PAM: variants seen among roughly 807,000 people sequenced by gnomAD.
PAM encodes peptidylglycine alpha-amidating monooxygenase, also known as peptidyl-glycine alpha-amidating monooxygenase.
A neutral mutation model predicts 122.1 loss-of-function variants in PAM; 72 were observed. That is an observed-to-expected ratio of 0.59 (90% CI 0.49 to 0.72). The LOEUF is 0.72. PAM is among the 30% of genes least tolerant of loss of function. PAM has a pLI of 0.00. For synonymous variants in PAM, 389 were observed against 404.4 expected, an observed-to-expected ratio of 0.96 and a Z score of 0.46; for missense variants, 1,106 against 1,183.7, an observed-to-expected ratio of 0.93 and a Z score of 0.96.
chr5:102,769,487 T>C (rs141965354), intron 1 of PAM, among the ~76,000 whole-genome samples: 114 of 152,270 alleles, frequency 7.5e-4, no homozygotes, highest in African/African-American at 2.7e-3. Context: ...TAGTTTGAGG[T>C]CTTAGATTTA....
chr5:102,856,571 A>G (rs1009933849), intron 1 of PAM, among the ~76,000 whole-genome samples: 32 of 152,208 alleles, frequency 2.1e-4, no homozygotes, highest in African/African-American at 6.8e-4. Context: ...TGTATTAGTC[A>G]AAGCTGAGGA....
At chr5:102,967,589 A>G (rs1764488784) in intron 14 of PAM, among the ~76,000 whole-genome samples, 1 of 152,190 alleles carries the variant, frequency 6.6e-6, no homozygotes, top group Non-Finnish European at 1.5e-5. Context: ...ATATAAAACT[A>G]TAGTTCTATC....
chr5:102,861,769 T>C (rs1288565007), intron 1 of PAM, among the ~76,000 whole-genome samples: 1 of 152,176 alleles, frequency 6.6e-6, no homozygotes, highest in Non-Finnish European at 1.5e-5. Flanking sequence ...GGTCAGTAAC[T>C]CTAAAATGAT....
intron 1 of PAM, among the ~76,000 whole-genome samples, chr5:102,861,486 G>A (rs1784175965): frequency 6.6e-6 from 1 of 151,986 alleles, no homozygotes; most frequent in Non-Finnish European, 1.5e-5. Flanking sequence ...TAGAGTCAAG[G>A]TCATAGAAGC....
chr5:102,786,410 A>G (rs888160727), intron 1 of PAM, among the ~76,000 whole-genome samples: 9 of 152,206 alleles, frequency 5.9e-5, no homozygotes, highest in Non-Finnish European at 1.3e-4. Flanking sequence ...ATTCGTAATC[A>G]TTAGTGTAAG....
At chr5:102,838,937 T>C (rs577829007) in intron 1 of PAM, among the ~76,000 whole-genome samples, 10 of 152,332 alleles carry the variant, frequency 6.6e-5, no homozygotes, top group Admixed American at 5.9e-4. Context: ...AGACATCATT[T>C]CCAATTCCCT....
At chr5:102,911,564 A>C (rs9327875) in intron 4 of PAM, among the ~76,000 whole-genome samples, 145,704 of 151,914 alleles carry the variant, frequency 0.96, 69,916 homozygotes, top group East Asian at 0.98. Context: ...AGATTTGCCC[A>C]GTTTACTTTA....
intron 1 of PAM, among the ~76,000 whole-genome samples, chr5:102,858,976 T>C (rs981039571): frequency 2.0e-5 from 3 of 152,232 alleles, no homozygotes; most frequent in African/African-American, 7.2e-5. Context: ...GCATTACTCA[T>C]GTGTTTGTGG....
chr5:102,959,870 TGCAG>T lies in PAM; in HGVS notation c.906-4_906-1del. On this transcript the variant is annotated splice_acceptor_variant and splice_polypyrimidine_tract_variant and intron_variant, in intron 12 of 25. Coordinates refer to ENST00000438793, the MANE Select transcript of PAM (RefSeq NM_001177306.2). LOFTEE classifies it high-confidence loss of function. ...TGATTTGTTATATCTTTTTTTTGCC[TGCAG>T]TGGCACGTCTAGTGATGAAATGTGC... 6.2e-7 allele frequency: 1 copy of T among 1,601,124 alleles called. No individual in the cohort carries two copies. Among genetic ancestry groups the T allele is most frequent in the African/African-American group, 1.3e-5 (1 of 74,702 alleles).
intron 1 of PAM, among the ~76,000 whole-genome samples, chr5:102,845,010 G>A (rs1203937501): frequency 6.6e-6 from 1 of 152,226 alleles, no homozygotes; most frequent in Admixed American, 6.5e-5. Context: ...ATCTGGCAGT[G>A]CTTCTCAAAC....
intron 1 of PAM, among the ~76,000 whole-genome samples, chr5:102,805,281 G>C (rs1765921212): frequency 6.6e-6 from 1 of 151,964 alleles, no homozygotes; most frequent in Non-Finnish European, 1.5e-5. Context: ...TATTGGCCAG[G>C]CTGGTCTTGA....
chr5:102,867,491 C>T, intron 3 of PAM, 98 bp downstream of exon 3: 6 of 785,786 alleles, frequency 7.6e-6, no homozygotes, highest in Non-Finnish European at 1.2e-5. Context: ...CTTCTTTAAA[C>T]GTAGGCATTT....
At chr5:102,998,486 C>T (rs188400171) in intron 16 of PAM, among the ~76,000 whole-genome samples, 4 of 152,238 alleles carry the variant, frequency 2.6e-5, no homozygotes, top group African/African-American at 9.6e-5. Flanking sequence ...GTAGATAGCA[C>T]TTGGCAAGAA....
intron 1 of PAM, among the ~76,000 whole-genome samples, chr5:102,806,509 G>C (rs1766265170): frequency 6.6e-6 from 1 of 152,054 alleles, no homozygotes; most frequent in Non-Finnish European, 1.5e-5. Context: ...GTATCTTCTG[G>C]ACATTTTTCA....
At chr5:102,898,463 A>T (rs1796781482) in intron 3 of PAM, among the ~76,000 whole-genome samples, 2 of 151,642 alleles carry the variant, frequency 1.3e-5, no homozygotes, top group Non-Finnish European at 3.0e-5. Flanking sequence ...TCATAGGAAG[A>T]CTATTATAAT....
intron 15 of PAM, among the ~76,000 whole-genome samples, chr5:102,987,866 A>G (rs935572609): frequency 6.6e-5 from 10 of 152,170 alleles, no homozygotes; most frequent in African/African-American, 2.2e-4. Context: ...TCCAAAAGGC[A>G]TATCACAATA....
chr5:102,769,990 G>T (rs144879957), intron 1 of PAM, among the ~76,000 whole-genome samples: 1 of 151,966 alleles, frequency 6.6e-6, no homozygotes, highest in East Asian at 1.9e-4. Flanking sequence ...ATGATCATAG[G>T]ATATCTTTCC....
intron 3 of PAM, among the ~76,000 whole-genome samples, chr5:102,882,086 T>C (rs957520219): frequency 6.9e-4 from 41 of 59,826 alleles, no homozygotes; most frequent in Non-Finnish European, 1.2e-3. Flanking sequence ...TATATATATA[T>C]ATATATATAT....
chr5:102,898,524 T>C (rs1434786075), intron 3 of PAM, among the ~76,000 whole-genome samples: 2 of 151,802 alleles, frequency 1.3e-5, no homozygotes, highest in African/African-American at 4.8e-5. Flanking sequence ...CAGAGAAACA[T>C]TGATCTGAGT....
Sources: gnomAD v4.1 joint callset for allele counts (sites outside exome capture counted in the v4.1 genomes callset) on GRCh38, gnomAD v4.1.1 for gene constraint, MANE v1.5 for transcripts, NCBI Gene and HGNC (gene_info 2026-07-23, HGNC 2026-07-21) for gene names.